The following MAN2A2 variants were observed in gnomAD, a reference collection of about 807,000 sequenced individuals.
MAN2A2 encodes alpha-mannosidase 2x.
A neutral mutation model predicts 126.8 loss-of-function variants in MAN2A2; 79 were observed. That is an observed-to-expected ratio of 0.62 (90% confidence interval 0.52 to 0.75). The LOEUF (loss-of-function observed/expected upper bound fraction) is 0.75. MAN2A2 is among the 30% of genes least tolerant of loss of function. The pLI, the probability that MAN2A2 is intolerant of heterozygous loss-of-function variation, is 0.00. For missense variants in MAN2A2, 1,392 were observed against 1,522.4 expected, an observed-to-expected ratio of 0.91 and a Z score of 1.43; for synonymous variants, 671 against 618.7, an observed-to-expected ratio of 1.08 and a Z score of -1.25.
chr15:90,913,581 G>C (rs2034941778), intron 18 of MAN2A2, 33 bp from the exon 19 acceptor site: 1 of 1,595,246 alleles, frequency 6.3e-7, no homozygotes, highest in Non-Finnish European at 8.5e-7. Context: ...ATGGTGCCCG[G>C]GTGCCCTTGA....
chr15:90,914,553 T>C (rs1410022997), intron 19 of MAN2A2, among the ~76,000 whole-genome samples: 2 of 152,166 alleles, frequency 1.3e-5, no homozygotes. Context: ...GGAGTTTCAC[T>C]CTTTCGCCCA....
Position 90,918,739 on chromosome 15 carries a change from C to T in MAN2A2, c.3284C>T (p.Thr1095Ile), listed in dbSNP as rs1466752906. The T allele has an allele frequency of 6.6e-7, 1 of 1,521,386 alleles. No individual in the cohort carries two copies. 94.2% of individuals were successfully genotyped at this position (1,521,386 alleles called of 1,614,324 possible). A position where few individuals can be genotyped will look rare whatever the true frequency, so the allele number is the denominator to read the frequency against. ...LEAKNLGFNC[T>I]TSQGKVALGS... ...GCCAAGAACTTGGGCTTCAACTGCA[C>T]CACAAGCCAAGGCAAGGTGAGTAGG... The change falls in exon 22 of 23, where the codon ACC becomes ATC. Residue 1095 changes from threonine (T) to isoleucine (I), a missense_variant. Coordinates refer to ENST00000559717, the MANE Select transcript of MAN2A2 (RefSeq NM_006122.4).
chr15:90,912,950 A>G lies in MAN2A2; in HGVS notation c.2543A>G (p.Tyr848Cys). The G allele has an allele frequency of 1.9e-6, 3 of 1,614,038 alleles. No individual in the cohort carries two copies. Among genetic ancestry groups the G allele is most frequent in the African/African-American group, 1.3e-5 (1 of 75,022 alleles). ...TTCTTCTCAGAGGTGGTTGCGTACT[A>G]TGAGCACATTCACCAGGCGGTCCGG... Reference protein sequence around the residue: ...GPFFSEVVAYYEHIHQAVRLY... With the variant: ...GPFFSEVVAYCEHIHQAVRLY... The change falls in exon 17 of 23, where the codon TAT becomes TGT. Residue 848 changes from tyrosine (Y) to cysteine (C), a missense_variant. Physicochemically the swap from Tyr to Cys is radical, Grantham distance 194. Coordinates refer to ENST00000559717, the MANE Select transcript of MAN2A2 (RefSeq NM_006122.4).
At chr15:90,907,175 C>G in intron 7 of MAN2A2, 134 bp from the exon 8 acceptor site, 1 of 958,292 alleles carries the variant, frequency 1.0e-6, no homozygotes, top group East Asian at 2.5e-5. Flanking sequence ...CCCTGGCCTA[C>G]ACACTCTCTC....
chr15:90,910,389 A>C (rs1318294083), intron 10 of MAN2A2, 97 bp downstream of exon 10: 1 of 1,562,632 alleles, frequency 6.4e-7, no homozygotes, highest in African/African-American at 1.4e-5. Context: ...AGATAGGCCC[A>C]GAGGCCAGGG....
intron 8 of MAN2A2, among the ~76,000 whole-genome samples, chr15:90,908,172 G>T (rs1292682811): frequency 6.6e-6 from 1 of 152,216 alleles, no homozygotes; most frequent in African/African-American, 2.4e-5. Flanking sequence ...GGGCTATGAG[G>T]GCGTGACTTT....
At chr15:90,907,999 A>G (rs2034435503) in intron 8 of MAN2A2, among the ~76,000 whole-genome samples, 1 of 152,250 alleles carries the variant, frequency 6.6e-6, no homozygotes, top group South Asian at 2.1e-4. Context: ...TGATCCAAAC[A>G]GCAATTTAGT....
intron 6 of MAN2A2, 53 bp from the exon 7 acceptor site, chr15:90,906,687 G>A: frequency 6.3e-7 from 1 of 1,594,724 alleles, no homozygotes; most frequent in African/African-American, 1.3e-5. Flanking sequence ...AAGGCCGGGG[G>A]GCCAGCCCCT....
Position 90,919,710 on chromosome 15 carries a change from C to G in MAN2A2, c.3376C>G (p.Leu1126Val). Residue 1126 changes from leucine to valine, a missense_variant, in exon 23 of 23, where the codon CTG becomes GTG. By Grantham distance (32) the Leu-to-Val change is conservative. Transcript: ENST00000559717. ...QPTSLTLLYPLASPSNSTDVY... is the reference protein window; with the variant it reads ...QPTSLTLLYPVASPSNSTDVY... ...AACCTCCTTGACGTTACTGTACCCT[C>G]TGGCCTCCCCGTCCAACAGCACTGA... 6.2e-7 allele frequency: 1 copy of G among 1,614,262 alleles called. No individual in the cohort carries two copies. The highest frequency in any genetic ancestry group is 8.5e-7 in the Non-Finnish European group (1 of 1,180,046).
In MAN2A2 at chr15:90,905,427, G is replaced by T; in HGVS notation, c.309G>T (p.Glu103Asp). The change falls in exon 3 of 23, where the codon GAG (glutamate) becomes GAT (aspartate). Residue 103 changes from glutamate (E) to aspartate (D), a missense_variant. Transcript: ENST00000559717. ...TVNGSWVVPP[E>D]PRPSFFSISP... ...ATGGCTCCTGGGTGGTGCCACCGGA[G>T]CCCCGGCCCAGCTTCTTCTCCATCT... is the stretch of plus-strand genomic sequence containing the variant. 1 of 1,613,794 alleles carries T rather than the reference G, an allele frequency of 6.2e-7. No homozygotes were observed. The highest frequency in any genetic ancestry group is 8.5e-7 in the Non-Finnish European group (1 of 1,179,998).
chr15:90,913,884 G>T, intron 19 of MAN2A2, 129 bp downstream of exon 19: 1 of 1,244,262 alleles, frequency 8.0e-7, no homozygotes, highest in Non-Finnish European at 1.1e-6. Flanking sequence ...TGCTTGGAGA[G>T]GGGGCAAGCC....
At chr15:90,919,068 A>G (rs1038186977) in intron 22 of MAN2A2, among the ~76,000 whole-genome samples, 2 of 152,218 alleles carry the variant, frequency 1.3e-5, no homozygotes, top group South Asian at 2.1e-4. Flanking sequence ...GCACTGATAA[A>G]TGTCCCCGGG....
chr15:90,908,921 G>C (rs149213114), intron 8 of MAN2A2, among the ~76,000 whole-genome samples: 2 of 152,182 alleles, frequency 1.3e-5, no homozygotes, highest in South Asian at 4.1e-4. Flanking sequence ...GGTACCTACG[G>C]ATGTTATCCT....
chr15:90,907,961 GC>G (rs1196874798), intron 8 of MAN2A2, among the ~76,000 whole-genome samples: 1 of 152,234 alleles, frequency 6.6e-6, no homozygotes, highest in African/African-American at 2.4e-5. Context: ...CTGAAATCAG[GC>G]CCCGGGGGAA....
rs2034215867 is a variant in MAN2A2, at chr15:90,905,612, A to C, written c.424A>C (p.Asn142His). The C allele has an allele frequency of 8.1e-6, 13 of 1,614,184 alleles. No individual in the cohort carries two copies. The highest frequency in any genetic ancestry group is 1.1e-5 in the Non-Finnish European group (13 of 1,180,036). ...LTVSEELPFD[N>H]VDGGVWRQGF... Reference sequence around the variant, plus strand: ...TGTGTCGGAGGAGCTGCCGTTTGACAACGTGGATGGTGGTGTGTGGAGGCA... The same window carrying C: ...TGTGTCGGAGGAGCTGCCGTTTGACCACGTGGATGGTGGTGTGTGGAGGCA... Residue 142 changes from asparagine to histidine, a missense_variant, in exon 4 of 23, where the codon AAC (asparagine) becomes CAC (histidine). Transcript: ENST00000559717.
In MAN2A2 at chr15:90,912,261, C is replaced by T. The variant is rs1278662848; in HGVS notation, c.2328C>T (p.Gly776=). Residue 776 remains glycine (G), a synonymous_variant, in exon 15 of 23, where the codon GGC becomes GGT. Transcript: ENST00000559717. ...GCTACATGCAGGTCTGGTTCTCAGG[C>T]CTTACTGGGCTCCTCAAGGTAAAAG... ...SNRYMQVWFS[G]LTGLLKSIRR... 1.9e-6 allele frequency: 3 copies of T among 1,614,226 alleles called. No individual in the cohort carries two copies. The highest frequency in any genetic ancestry group is 1.1e-5 in the South Asian group (1 of 91,088).
At chr15:90,913,511 A>G in intron 18 of MAN2A2, 103 bp from the exon 19 acceptor site, 2 of 1,566,158 alleles carry the variant, frequency 1.3e-6, no homozygotes, top group Admixed American at 1.8e-5. Context: ...ATGGAGAAAG[A>G]TGAATGAGAG....
In MAN2A2 at chr15:90,913,365, G is replaced by A. The variant is rs773866909; in HGVS notation, c.2677G>A (p.Asp893Asn). ...GGCCCTGCACATCCATACAGACATC[G>A]ACAGCCAGGGTATCTTCTTCACAGA... ...ELALHIHTDI[D>N]SQGIFFTDLN... is the part of the protein sequence containing the mutation. Residue 893 changes from aspartate to asparagine, a missense_variant, in exon 18 of 23, where the codon GAC becomes AAC. Coordinates refer to ENST00000559717, the MANE Select transcript of MAN2A2 (RefSeq NM_006122.4). 24 of 1,603,372 alleles carry A rather than the reference G, an allele frequency of 1.5e-5. No homozygotes were observed. In the Admixed American group the frequency reaches 2.5e-4, roughly 17 times the overall value.
At chr15:90,903,991 G>C (rs895138795) in intron 1 of MAN2A2, 199 bp from the exon 2 acceptor site, 4 of 630,110 alleles carry the variant, frequency 6.3e-6, no homozygotes, top group South Asian at 5.1e-5. Context: ...AGCCAAAGGA[G>C]AGCGTCCTCT....
Sources: allele counts gnomAD v4.1 joint callset (sites outside exome capture counted in the v4.1 genomes callset), GRCh38; gene constraint gnomAD v4.1.1; transcripts MANE v1.5; gene names NCBI Gene and HGNC (gene_info 2026-07-23, HGNC 2026-07-21).